PDZRN3: variants seen among roughly 807,000 people sequenced by gnomAD.
PDZRN3 encodes the protein E3 ubiquitin-protein ligase PDZRN3.
PDZRN3 carries 38 observed loss-of-function variants against 85.7 expected under a neutral mutation model. The ratio of observed to expected loss-of-function variants is 0.44; its 90% CI spans 0.34 to 0.58. The LOEUF (loss-of-function observed/expected upper bound fraction) is 0.58. Among genes scored for constraint, PDZRN3 ranks in the 20% least tolerant of loss-of-function variants. PDZRN3 has a pLI of 0.01. For missense variants in PDZRN3, 1,629 were observed against 1,506.4 expected (o/e 1.08, Z -1.35); for synonymous variants, 759 against 638.0 (o/e 1.19, Z -2.86).
intron 3 of PDZRN3, among the ~76,000 whole-genome samples, chr3:73,523,623 A>G (rs1280619350): frequency 1.3e-5 from 2 of 152,248 alleles, no homozygotes; most frequent in South Asian, 2.1e-4. Flanking sequence ...TATTTACTAC[A>G]GCACTTCAAA....
chr3:73,439,941 T>C (rs1403353807), intron 3 of PDZRN3, among the ~76,000 whole-genome samples: 1 of 152,088 alleles, frequency 6.6e-6, no homozygotes, highest in African/African-American at 2.4e-5. Flanking sequence ...GTTCACCATA[T>C]TGGCCAGGCT....
chr3:73,507,534 T>C (rs1704089730), intron 3 of PDZRN3, among the ~76,000 whole-genome samples: 1 of 152,220 alleles, frequency 6.6e-6, no homozygotes, highest in African/African-American at 2.4e-5. Flanking sequence ...TTTTTCTGTA[T>C]TGTGAGATGA....
intron 1 of PDZRN3, among the ~76,000 whole-genome samples, chr3:73,612,966 G>T (rs1399950157): frequency 6.6e-6 from 1 of 152,188 alleles, no homozygotes; most frequent in African/African-American, 2.4e-5. Flanking sequence ...CAACACCGAG[G>T]TCATGATGCT....
intron 3 of PDZRN3, among the ~76,000 whole-genome samples, chr3:73,515,764 A>G (rs868323401): frequency 1.7e-4 from 26 of 152,358 alleles, no homozygotes; most frequent in African/African-American, 4.6e-4. Context: ...TTAGTTATCT[A>G]TAACTGTTAG....
intron 3 of PDZRN3, among the ~76,000 whole-genome samples, chr3:73,587,958 A>G (rs1702301474): frequency 6.6e-6 from 1 of 152,178 alleles, no homozygotes; most frequent in Non-Finnish European, 1.5e-5. Flanking sequence ...TTTTAAAAAA[A>G]TTTATTTCTT....
chr3:73,517,003 T>A (rs1575703703), intron 3 of PDZRN3, among the ~76,000 whole-genome samples: 1 of 152,198 alleles, frequency 6.6e-6, no homozygotes, highest in Admixed American at 6.5e-5. Flanking sequence ...CCCTCCTCAA[T>A]CCCAGTAACC....
At chr3:73,401,281 G>C (rs1701743414) in intron 4 of PDZRN3, among the ~76,000 whole-genome samples, 1 of 152,198 alleles carries the variant, frequency 6.6e-6, no homozygotes, top group Non-Finnish European at 1.5e-5. Context: ...CCCGGAGCCT[G>C]CCAGTCACGT....
intron 3 of PDZRN3, among the ~76,000 whole-genome samples, chr3:73,456,509 A>G (rs966228624): frequency 6.6e-6 from 1 of 152,244 alleles, no homozygotes; most frequent in Non-Finnish European, 1.5e-5. Context: ...TTCTTTTTAA[A>G]AAACTATCTG....
At chr3:73,492,035 A>C (rs907288332) in intron 3 of PDZRN3, among the ~76,000 whole-genome samples, 1 of 152,154 alleles carries the variant, frequency 6.6e-6, no homozygotes, top group Non-Finnish European at 1.5e-5. Flanking sequence ...AAGGAAAAAC[A>C]CACAGACCAC....
chr3:73,533,012 G>C (rs1326815999), intron 3 of PDZRN3, among the ~76,000 whole-genome samples: 1 of 152,246 alleles, frequency 6.6e-6, no homozygotes, highest in East Asian at 1.9e-4. Context: ...GGCAAACCTA[G>C]AAACTCTTTG....
intron 3 of PDZRN3, among the ~76,000 whole-genome samples, chr3:73,420,470 T>TCAG (rs1702177349): frequency 6.6e-6 from 1 of 152,200 alleles, no homozygotes. Context: ...ATCTGAGAAT[T>TCAG]TTCCCTAAAA....
intron 3 of PDZRN3, among the ~76,000 whole-genome samples, chr3:73,477,376 G>C (rs1004472931): frequency 6.6e-6 from 1 of 152,134 alleles, no homozygotes; most frequent in Non-Finnish European, 1.5e-5. Flanking sequence ...TCTTAACTCA[G>C]AATGTCATCT....
At chr3:73,404,604 A>G in intron 3 of PDZRN3, 1 of 519,630 alleles carries the variant, frequency 1.9e-6, no homozygotes, top group Non-Finnish European at 3.4e-6. Flanking sequence ...CTGGCATGCA[A>G]TAATAAATCT....
chr3:73,617,507 C>T (rs923175268), intron 1 of PDZRN3, among the ~76,000 whole-genome samples: 11 of 152,132 alleles, frequency 7.2e-5, no homozygotes, highest in African/African-American at 2.7e-4. Context: ...TAAAGCTGCT[C>T]AGTTTTACCT....
chr3:73,614,118 T>C (rs1256932048), intron 1 of PDZRN3, among the ~76,000 whole-genome samples: 1 of 152,208 alleles, frequency 6.6e-6, no homozygotes, highest in Non-Finnish European at 1.5e-5. Context: ...TAGATCAATG[T>C]TAAAATTACC....
chr3:73,431,687 A>T (rs1323390715), intron 3 of PDZRN3, among the ~76,000 whole-genome samples: 1 of 152,214 alleles, frequency 6.6e-6, no homozygotes, highest in African/African-American at 2.4e-5. Context: ...GTTTCTTGAA[A>T]ATAAATCTGC....
At chr3:73,602,491 A>C in intron 2 of PDZRN3, 30 bp from the exon 3 acceptor site, 5 of 1,069,262 alleles carry the variant, frequency 4.7e-6, no homozygotes, top group Non-Finnish European at 7.3e-6. Flanking sequence ...ACATGCATGA[A>C]TGCTAGGCAT....
intron 3 of PDZRN3, among the ~76,000 whole-genome samples, chr3:73,517,308 A>C (rs1559718369): frequency 6.6e-6 from 1 of 152,194 alleles, no homozygotes; most frequent in Non-Finnish European, 1.5e-5. Context: ...GTTTCTTTTA[A>C]ATTTATAATC....
At chr3:73,404,031 TG>T in intron 4 of PDZRN3, 116 bp downstream of exon 4, 2 of 970,364 alleles carry the variant, frequency 2.1e-6, no homozygotes, top group Non-Finnish European at 3.1e-6. Context: ...AAGTTAAACA[TG>T]GGCAACTTGG....
Sources: allele counts gnomAD v4.1 joint callset (sites outside exome capture counted in the v4.1 genomes callset), GRCh38; gene constraint gnomAD v4.1.1; transcripts MANE v1.5; gene names NCBI Gene and HGNC (gene_info 2026-07-23, HGNC 2026-07-21).